RNF216: variants seen among roughly 807,000 people sequenced by gnomAD.
RNF216 encodes the protein ring finger protein 216.
RNF216 carries 72 observed loss-of-function variants against 110.8 expected under a neutral mutation model. The observed-to-expected ratio is 0.65, with a 90% confidence interval of 0.54 to 0.79. RNF216 has a LOEUF of 0.79. Ranked by LOEUF, RNF216 falls within the 30% of genes least tolerant of loss-of-function variation. The pLI is 0.00. For synonymous variants in RNF216, 495 were observed against 407.5 expected (o/e 1.21, Z -2.59); for missense variants, 1,342 against 1,141.2 (o/e 1.18, Z -2.54).
intron 13 of RNF216, among the ~76,000 whole-genome samples, chr7:5,694,128 T>C (rs1472894810): frequency 1.3e-5 from 2 of 152,172 alleles, no homozygotes; most frequent in Non-Finnish European, 2.9e-5. Flanking sequence ...GATAGTCAGT[T>C]TTACACTATT....
intron 14 of RNF216, chr7:5,649,980 C>T (rs925951739): frequency 6.6e-6 from 1 of 152,162 alleles, no homozygotes; most frequent in African/African-American, 2.4e-5. Flanking sequence ...TCTACTTGAA[C>T]GACATGCAGA....
At chr7:5,653,701 A>G (rs951716467) in intron 13 of RNF216, among the ~76,000 whole-genome samples, 4 of 152,072 alleles carry the variant, frequency 2.6e-5, no homozygotes, top group Non-Finnish European at 5.9e-5. Context: ...ACAGTGAAGG[A>G]AAACATAGTG....
rs537775421 is a variant in RNF216, at chr7:5,706,473, G to A, written c.2061+5288C>T. On this transcript the variant is annotated intron_variant, in intron 13 of 16. Transcript: ENST00000389902. ...TTAGATCCTGCATTTAAGTGGAATC[G>A]TGCAGTATCTGTCCTTCTATGACTG... is the stretch of plus-strand genomic sequence containing the variant. Among the ~76,000 whole-genome samples, 14 of 152,280 alleles carry A rather than the reference G, an allele frequency of 9.2e-5. No homozygotes were observed. The South Asian group carries it at 2.9e-3, about 32-fold the overall frequency.
intron 9 of RNF216, among the ~76,000 whole-genome samples, chr7:5,718,754 T>G (rs1382545455): frequency 6.6e-6 from 1 of 151,866 alleles, no homozygotes; most frequent in South Asian, 2.1e-4. Context: ...GCCATGTTGG[T>G]CAGGCTGGTC....
At chr7:5,692,764 T>A (rs11980556) in intron 13 of RNF216, among the ~76,000 whole-genome samples, 1 of 152,238 alleles carries the variant, frequency 6.6e-6, no homozygotes, top group Non-Finnish European at 1.5e-5. Context: ...TAATCACATT[T>A]CTATTTTTCA....
intron 1 of RNF216, among the ~76,000 whole-genome samples, chr7:5,772,219 G>A (rs796188874): frequency 5.3e-4 from 80 of 152,274 alleles, no homozygotes; most frequent in African/African-American, 1.9e-3. Context: ...GGCAACAAGA[G>A]TGAAACTCCG....
Position 5,680,429 on chromosome 7 carries a change from G to C in RNF216, c.2062-27919C>G, listed in dbSNP as rs952109314. 10 of 152,204 alleles carry C rather than the reference G, an allele frequency of 6.6e-5. No individual in the cohort carries two copies. Among genetic ancestry groups the C allele is most frequent in the African/African-American group, 2.4e-4 (10 of 41,428 alleles). The allele number at this position is 152,204 out of a possible 1,614,324, so 9.4% of individuals were successfully genotyped here. Reference sequence around the variant, plus strand: ...CTTTTTTTGTTGTTGTTGAGACGGAGTCTTGCCCTGTCGCCAGCCTGGAGA... The same window carrying C: ...CTTTTTTTGTTGTTGTTGAGACGGACTCTTGCCCTGTCGCCAGCCTGGAGA... On this transcript the variant is annotated intron_variant, in intron 13 of 16. Coordinates refer to ENST00000389902, the MANE Select transcript of RNF216 (RefSeq NM_207111.4). This position sits in a 1 kb window ranked among gnomAD's most constrained non-coding sequence, Gnocchi z 4.3.
At position 5,624,231 on chromosome 7, in the gene RNF216, C is replaced by T. The variant is rs1324198530; in HGVS notation, c.2383-106G>A. ...GTTGCTTATGGCCATGGAACAAGCC[C>T]GAAGCCTGCTGCTGGCCAGTGGGGC... On this transcript the variant is annotated intron_variant, in intron 15 of 16. Coordinates refer to ENST00000389902, the MANE Select transcript of RNF216 (RefSeq NM_207111.4). This position sits in a 1 kb window ranked among gnomAD's most constrained non-coding sequence, Gnocchi z 4.4. The T allele has an allele frequency of 1.5e-5, 13 of 889,084 alleles. No individual in the cohort carries two copies. Among genetic ancestry groups the T allele is most frequent in the Non-Finnish European group, 1.8e-5 (10 of 568,074 alleles). The allele number at this position is 889,084 out of a possible 1,614,324, so 55.1% of individuals were successfully genotyped here.
At chr7:5,658,686 T>C (rs998787694) in intron 13 of RNF216, among the ~76,000 whole-genome samples, 2 of 151,640 alleles carry the variant, frequency 1.3e-5, no homozygotes, top group African/African-American at 4.8e-5. Context: ...TTTTTTTAAC[T>C]GACTTGAATA....
intron 13 of RNF216, among the ~76,000 whole-genome samples, chr7:5,697,869 G>A (rs1041187956): frequency 7.3e-4 from 111 of 152,286 alleles, no homozygotes; most frequent in African/African-American, 2.6e-3. Context: ...GTGGGAACAC[G>A]AGATGTTTTT....
chr7:5,741,210 G>A lies in RNF216; in HGVS notation c.807C>T (p.Phe269=), dbSNP rs1584549969. The A allele has an allele frequency of 1.2e-6, 2 of 1,614,106 alleles. No individual in the cohort carries two copies. Among genetic ancestry groups the A allele is most frequent in the East Asian group, 2.2e-5 (1 of 44,874 alleles). The change falls in exon 4 of 17, where the codon TTC becomes TTT. Residue 269 remains phenylalanine (F), a synonymous_variant. Coordinates refer to ENST00000389902, the MANE Select transcript of RNF216 (RefSeq NM_207111.4). The stretch of plus-strand genomic sequence containing the variant: ...CCGGCCTTGGAAAAGCGGGCCCTGG[G>A]AATTCATGCTGAAACAACAAGCGGC... ...ELGRLLFQHE[F]PGPAFPRPEP... is the part of the protein sequence containing the mutation.
chr7:5,715,045 G>A lies in RNF216; in HGVS notation c.1833+8C>T. On this transcript the variant is annotated splice_region_variant and intron_variant, in intron 11 of 16. Transcript: ENST00000389902. ...CTATATACATGGGACATATTACACA[G>A]TTCTTACCTTTCCAGATCCAAAGAC... 6.2e-7 allele frequency: 1 copy of A among 1,611,160 alleles called. No individual in the cohort carries two copies. The highest frequency in any genetic ancestry group is 8.5e-7 in the Non-Finnish European group (1 of 1,178,618).
At chr7:5,627,744 TAAA>T (rs1230237652) in intron 15 of RNF216, among the ~76,000 whole-genome samples, 1 of 131,358 alleles carries the variant, frequency 7.6e-6, no homozygotes. Flanking sequence ...AGACTCTGTC[TAAA>T]AAAAAAAAAA....
intron 13 of RNF216, among the ~76,000 whole-genome samples, chr7:5,707,942 G>C (rs112627115): frequency 0.048 from 7,312 of 152,196 alleles, 261 homozygotes; most frequent in African/African-American, 0.083. Context: ...GGCCAGGCTG[G>C]TCTCGAACTC....
In RNF216 at chr7:5,711,800, A is replaced by G; in HGVS notation, c.2022T>C (p.Asp674=). 1 of 1,614,002 alleles carries G rather than the reference A, an allele frequency of 6.2e-7. No homozygotes were observed. Among genetic ancestry groups the G allele is most frequent in the Non-Finnish European group, 8.5e-7 (1 of 1,179,944 alleles). Residue 674 remains aspartate, a synonymous_variant, in exon 13 of 17, where the codon GAT becomes GAC. Transcript: ENST00000389902. Reference sequence around the variant, plus strand: ...GATTAGGACAGCTGAACCTCTTCACATCACTGTCCAACAGAGCCGGAAAGC... The same window carrying G: ...GATTAGGACAGCTGAACCTCTTCACGTCACTGTCCAACAGAGCCGGAAAGC... ...SCSFPALLDS[D]VKRFSCPNPH... is the part of the protein sequence containing the mutation.
intron 3 of RNF216, among the ~76,000 whole-genome samples, chr7:5,752,620 T>C (rs764394430): frequency 6.6e-6 from 1 of 152,162 alleles, no homozygotes; most frequent in East Asian, 1.9e-4. Context: ...ACAGTGGAAT[T>C]TGGTGCGTTA....
rs776643083 is a variant in RNF216, at chr7:5,648,238, C to G, written c.2159+4175G>C. On this transcript the variant is annotated intron_variant, in intron 14 of 16. Transcript: ENST00000389902. ...TCTCTTGCCTCAGCCTCCTGAGTAG[C>G]TGGCATTACAGGCATGCACCACCAT... 2.0e-5 allele frequency among the ~76,000 whole-genome samples: 3 copies of G among 151,868 alleles called. 1 individual carries two copies. The highest frequency in any genetic ancestry group is 4.4e-5 in the Non-Finnish European group (3 of 67,962).
intron 14 of RNF216, among the ~76,000 whole-genome samples, chr7:5,642,626 TG>T (rs1787807529): frequency 6.6e-6 from 1 of 151,144 alleles, no homozygotes; most frequent in Non-Finnish European, 1.5e-5. Context: ...TCACCACACC[TG>T]GCTTTCATGC....
chr7:5,718,731 G>C (rs1027955539), intron 9 of RNF216, among the ~76,000 whole-genome samples: 19 of 152,008 alleles, frequency 1.2e-4, no homozygotes, highest in African/African-American at 3.4e-4. Flanking sequence ...ATTTTTAGTA[G>C]AGACAGAGTT....
Sources: gnomAD v4.1 joint callset for allele counts (sites outside exome capture counted in the v4.1 genomes callset) on GRCh38, gnomAD v4.1.1 for gene constraint, Gnocchi (gnomAD v3.1) non-coding constraint, MANE v1.5 for transcripts, NCBI Gene and HGNC (gene_info 2026-07-23, HGNC 2026-07-21) for gene names.